HELB: variants seen among roughly 807,000 people sequenced by gnomAD.
The protein encoded by HELB is DNA helicase B, also known as DNA 5'-3' helicase B.
A neutral mutation model predicts 101.7 loss-of-function variants in HELB; 96 were observed. The ratio of observed to expected loss-of-function variants is 0.94; its 90% CI spans 0.80 to 1.12. The LOEUF (loss-of-function observed/expected upper bound fraction) is 1.12, where lower values mean the gene tolerates loss of function less well. Ranked by LOEUF, HELB falls within the 50% of genes most tolerant of loss-of-function variation. The probability of loss-of-function intolerance (pLI) is 0.00; values close to 1 mark genes in which losing one functional copy is unlikely to be tolerated. For missense variants in HELB, 1,210 were observed against 1,291.9 expected (o/e 0.94, Z 0.97); for synonymous variants, 437 against 459.7 (o/e 0.95, Z 0.63).
intron 7 of HELB, chr12:66,321,674 A>G: frequency 3.0e-6 from 1 of 333,926 alleles, no homozygotes; most frequent in Non-Finnish European, 5.6e-6. Flanking sequence ...ATCAGCAAAT[A>G]CACAGTGAGT....
chr12:66,323,325 CAGGT>C (rs1442729855), intron 9 of HELB, among the ~76,000 whole-genome samples: 1 of 151,890 alleles, frequency 6.6e-6, no homozygotes, highest in African/African-American at 2.4e-5. Context: ...AAAAATCTGT[CAGGT>C]AGCCCAACAA....
chr12:66,339,047 A>G (rs991801959), downstream of HELB: 2 of 152,238 alleles, frequency 1.3e-5, no homozygotes, highest in African/African-American at 2.4e-5. Context: ...GATGAAAAAT[A>G]TATCTGTTAA....
chr12:66,334,049 A>G (rs2053838541), intron 12 of HELB, among the ~76,000 whole-genome samples: 2 of 151,844 alleles, frequency 1.3e-5, no homozygotes, highest in East Asian at 3.9e-4. Flanking sequence ...AGTCCCAGCT[A>G]CGCGGGAGGC....
At chr12:66,322,885 A>C (rs2053688256) in intron 9 of HELB, 102 bp downstream of exon 9, 1 of 665,988 alleles carries the variant, frequency 1.5e-6, no homozygotes, top group Admixed American at 2.6e-5. Context: ...ATATATTCCC[A>C]AAATAGTTTT....
intron 1 of HELB, among the ~76,000 whole-genome samples, chr12:66,302,998 T>C (rs1221750111): frequency 1.3e-5 from 2 of 151,924 alleles, no homozygotes; most frequent in African/African-American, 4.8e-5. Context: ...TTTTTTTTTT[T>C]TTCTTTTTTT....
At chr12:66,310,724 A>G (rs948684020) in intron 4 of HELB, 116 bp downstream of exon 4, 16 of 884,770 alleles carry the variant, frequency 1.8e-5, no homozygotes, top group Non-Finnish European at 2.3e-5. Context: ...CAAGGTCAGG[A>G]GATGGAGACC....
chr12:66,330,575 A>G (rs2053794013), intron 11 of HELB, among the ~76,000 whole-genome samples: 1 of 148,744 alleles, frequency 6.7e-6, no homozygotes, highest in Non-Finnish European at 1.5e-5. Context: ...ATATATATAT[A>G]TAGATATATA....
intron 4 of HELB, among the ~76,000 whole-genome samples, chr12:66,311,682 C>T (rs1433701183): frequency 6.6e-6 from 1 of 151,920 alleles, no homozygotes; most frequent in Non-Finnish European, 1.5e-5. Context: ...ATTTCTTCCA[C>T]CTAGAACAGT....
At chr12:66,309,558 C>A in intron 3 of HELB, 148 bp from the exon 4 acceptor site, 1 of 465,686 alleles carries the variant, frequency 2.1e-6, no homozygotes, top group Non-Finnish European at 3.8e-6. Flanking sequence ...TACGGTGCAG[C>A]CAGTTAGAAA....
At chr12:66,302,850 C>G in intron 1 of HELB, 60 bp downstream of exon 1, 1 of 1,461,104 alleles carries the variant, frequency 6.8e-7, no homozygotes, top group Non-Finnish European at 9.2e-7. Context: ...GCTTCCCATT[C>G]TGGCTTTGCC....
At chr12:66,339,100 TGA>T (rs1344552680), downstream of HELB, 2 of 152,206 alleles carry the variant, frequency 1.3e-5, no homozygotes, top group Non-Finnish European at 2.9e-5. Context: ...ACTAAACATG[TGA>T]GAGTTATTTA....
chr12:66,313,864 G>A, intron 4 of HELB, 122 bp from the exon 5 acceptor site: 1 of 768,310 alleles, frequency 1.3e-6, no homozygotes, highest in Non-Finnish European at 2.2e-6. Flanking sequence ...TAACTTTTGT[G>A]TTTCTTTACT....
At position 66,313,893 on chromosome 12, in the gene HELB, A is replaced by G. The variant is rs983988313; in HGVS notation, c.1681-93A>G. 7.0e-6 allele frequency: 8 copies of G among 1,139,208 alleles called. No individual in the cohort carries two copies. In the African/African-American group the frequency reaches 9.3e-5, roughly 13 times the overall value. 70.6% of individuals were successfully genotyped at this position (1,139,208 alleles called of 1,614,324 possible). A position where few individuals can be genotyped will look rare whatever the true frequency, so the allele number is the denominator to read the frequency against. On this transcript the variant is annotated intron_variant, in intron 4 of 12. Coordinates refer to ENST00000247815, the MANE Select transcript of HELB (RefSeq NM_001370285.1). The stretch of plus-strand genomic sequence containing the variant: ...CTTTACTTCCCACCCACCCCTGCCA[A>G]TTTACGAGTTTTGCCCCAAAATAAC...
At chr12:66,325,240 A>G in intron 11 of HELB, 114 bp downstream of exon 11, 1 of 688,072 alleles carries the variant, frequency 1.5e-6, no homozygotes, top group Non-Finnish European at 2.5e-6. Flanking sequence ...AGGAAACAAA[A>G]TACACAAAAG....
chr12:66,313,516 G>A (rs1048308626), intron 4 of HELB, among the ~76,000 whole-genome samples: 2 of 152,066 alleles, frequency 1.3e-5, no homozygotes, highest in African/African-American at 2.4e-5. Flanking sequence ...AAAGAATTTT[G>A]TTGTTTATTT....
intron 4 of HELB, among the ~76,000 whole-genome samples, chr12:66,313,490 G>A (rs2053566385): frequency 6.6e-6 from 1 of 152,058 alleles, no homozygotes. Flanking sequence ...ATAATAAATA[G>A]TATTACATTT....
At chr12:66,310,658 A>T in intron 4 of HELB, 50 bp downstream of exon 4, 1 of 1,523,184 alleles carries the variant, frequency 6.6e-7, no homozygotes, top group South Asian at 1.2e-5. Context: ...TCGGCCGGGC[A>T]CAGTGGCTCA....
intron 8 of HELB, among the ~76,000 whole-genome samples, chr12:66,322,268 G>C (rs2053678887): frequency 6.6e-6 from 1 of 151,998 alleles, no homozygotes; most frequent in Admixed American, 6.6e-5. Context: ...CTTATGCTAA[G>C]ATAAAAAATA....
At chr12:66,315,806 C>G (rs1326944159) in intron 6 of HELB, among the ~76,000 whole-genome samples, 3 of 152,054 alleles carry the variant, frequency 2.0e-5, no homozygotes, top group African/African-American at 7.2e-5. Flanking sequence ...TAGATGAATC[C>G]TAGAGGCACC....
Sources: gnomAD v4.1 joint callset for allele counts (sites outside exome capture counted in the v4.1 genomes callset) on GRCh38, gnomAD v4.1.1 for gene constraint, MANE v1.5 for transcripts, NCBI Gene and HGNC (gene_info 2026-07-23, HGNC 2026-07-21) for gene names.